CSMD1: variants seen among roughly 807,000 people sequenced by gnomAD.
CSMD1 encodes CUB and Sushi multiple domains 1.
Under a neutral mutation model 417.5 loss-of-function variants are expected in CSMD1, and 213 were observed. The ratio of observed to expected loss-of-function variants is 0.51; its 90% CI spans 0.46 to 0.57. The LOEUF (loss-of-function observed/expected upper bound fraction) is 0.57, where lower values mean the gene tolerates loss of function less well. Ranked by LOEUF, CSMD1 falls within the 20% of genes least tolerant of loss-of-function variation. CSMD1 has a pLI of 0.00. For synonymous variants in CSMD1, 2,862 were observed against 1,736.8 expected, an observed-to-expected ratio of 1.65 and a Z score of -16.11; for missense variants, 6,923 against 4,529.7, an observed-to-expected ratio of 1.53 and a Z score of -15.17.
chr8:3,363,283 G>T (rs894554232), intron 20 of CSMD1, among the ~76,000 whole-genome samples: 5 of 152,126 alleles, frequency 3.3e-5, no homozygotes, highest in South Asian at 2.1e-4. Context: ...CACAGAAGAA[G>T]AAACAGTATC....
intron 10 of CSMD1, among the ~76,000 whole-genome samples, chr8:3,497,960 T>G (rs1469518137): frequency 6.6e-6 from 1 of 152,238 alleles, no homozygotes; most frequent in East Asian, 1.9e-4. Context: ...AGGGCTCCCA[T>G]AAGCATTTCT....
chr8:4,346,361 C>A (rs546796063), intron 3 of CSMD1, among the ~76,000 whole-genome samples: 11 of 152,272 alleles, frequency 7.2e-5, no homozygotes, highest in African/African-American at 2.2e-4. Context: ...TATTTCCATA[C>A]GATCTGCGGC....
At chr8:3,507,816 A>C (rs1169230566) in intron 10 of CSMD1, among the ~76,000 whole-genome samples, 2 of 152,066 alleles carry the variant, frequency 1.3e-5, no homozygotes, top group African/African-American at 4.8e-5. Context: ...TTTGAGAAAT[A>C]TCTGTTCATA....
chr8:4,032,395 T>C (rs1309623335), intron 3 of CSMD1, among the ~76,000 whole-genome samples: 3 of 152,092 alleles, frequency 2.0e-5, no homozygotes, highest in South Asian at 2.1e-4. Flanking sequence ...TATATTTTTC[T>C]AGTCACAAAA....
intron 2 of CSMD1, among the ~76,000 whole-genome samples, chr8:4,512,801 G>C (rs1274630814): frequency 6.9e-6 from 1 of 144,044 alleles, no homozygotes; most frequent in East Asian, 2.1e-4. Context: ...CAAAGAGATA[G>C]CCCATGTTCA....
At chr8:4,787,299 G>C (rs758354747) in intron 1 of CSMD1, 4 of 691,554 alleles carry the variant, frequency 5.8e-6, no homozygotes, top group Admixed American at 4.4e-5. Context: ...CTCACTTACC[G>C]GCGCGGTCGC....
chr8:3,732,024 G>A (rs1677514654), intron 6 of CSMD1, among the ~76,000 whole-genome samples: 2 of 145,168 alleles, frequency 1.4e-5, no homozygotes, highest in Admixed American at 1.4e-4. Context: ...CAGAATGCAT[G>A]CTCTCCACAT....
chr8:4,906,417 G>A (rs1805279277), intron 1 of CSMD1, among the ~76,000 whole-genome samples: 1 of 152,152 alleles, frequency 6.6e-6, no homozygotes, highest in Non-Finnish European at 1.5e-5. Flanking sequence ...AGGTGGTCTG[G>A]CCCCAGCAAC....
intron 5 of CSMD1, among the ~76,000 whole-genome samples, chr8:3,950,693 T>C (rs1247760891): frequency 6.6e-6 from 1 of 152,216 alleles, no homozygotes; most frequent in African/African-American, 2.4e-5. Context: ...TAATGCATTA[T>C]GGAGCACAGG....
intron 12 of CSMD1, among the ~76,000 whole-genome samples, chr8:3,419,985 G>T (rs749995745): frequency 6.6e-6 from 1 of 152,010 alleles, no homozygotes; most frequent in Non-Finnish European, 1.5e-5. Context: ...GATAATAATC[G>T]TTCGCATCTC....
At chr8:3,255,643 C>T (rs1406793587) in intron 26 of CSMD1, among the ~76,000 whole-genome samples, 2 of 152,234 alleles carry the variant, frequency 1.3e-5, no homozygotes, top group Non-Finnish European at 2.9e-5. Context: ...GAGCAAGGCT[C>T]TGTGGGCGTA....
At chr8:3,807,121 G>A (rs1037014826) in intron 5 of CSMD1, among the ~76,000 whole-genome samples, 2 of 152,042 alleles carry the variant, frequency 1.3e-5, no homozygotes, top group African/African-American at 4.8e-5. Flanking sequence ...CTTTAATAGG[G>A]CACATTTCCT....
chr8:4,352,995 A>T (rs1053788695), intron 3 of CSMD1, among the ~76,000 whole-genome samples: 2 of 152,246 alleles, frequency 1.3e-5, no homozygotes, highest in Non-Finnish European at 2.9e-5. Flanking sequence ...CAACATTAAA[A>T]TGACTAATTA....
At chr8:4,017,916 G>T (rs1034384421) in intron 4 of CSMD1, among the ~76,000 whole-genome samples, 9 of 152,244 alleles carry the variant, frequency 5.9e-5, no homozygotes, top group African/African-American at 2.2e-4. Context: ...TATTTCTGAT[G>T]ACTCCAATCA....
intron 2 of CSMD1, among the ~76,000 whole-genome samples, chr8:4,452,013 C>A (rs537080684): frequency 3.3e-5 from 5 of 150,778 alleles, no homozygotes; most frequent in Non-Finnish European, 5.9e-5. Flanking sequence ...GAAATATTAT[C>A]TTTAGGCAGC....
chr8:4,801,467 T>TC (rs1286603758), intron 1 of CSMD1, among the ~76,000 whole-genome samples: 1 of 151,970 alleles, frequency 6.6e-6, no homozygotes, highest in Non-Finnish European at 1.5e-5. Flanking sequence ...ATGGCTTTTT[T>TC]TTTTCTTTTC....
At chr8:4,055,152 G>A (rs968445897) in intron 3 of CSMD1, among the ~76,000 whole-genome samples, 1 of 152,136 alleles carries the variant, frequency 6.6e-6, no homozygotes, top group Non-Finnish European at 1.5e-5. Flanking sequence ...TTCAGAAACT[G>A]TTTGAAATAT....
chr8:4,933,689 A>T (rs964462533), intron 1 of CSMD1, among the ~76,000 whole-genome samples: 7 of 152,214 alleles, frequency 4.6e-5, no homozygotes, highest in Non-Finnish European at 1.5e-5. Flanking sequence ...AAGGAAAGAT[A>T]AATGGATGGA....
intron 5 of CSMD1, among the ~76,000 whole-genome samples, chr8:3,775,733 G>T (rs542377033): frequency 6.6e-6 from 1 of 152,186 alleles, no homozygotes; most frequent in Non-Finnish European, 1.5e-5. Flanking sequence ...CAGTTCAAAT[G>T]ATATGAACTA....
Sources: gnomAD v4.1 joint callset for allele counts (sites outside exome capture counted in the v4.1 genomes callset) on GRCh38, gnomAD v4.1.1 for gene constraint, MANE v1.5 for transcripts, NCBI Gene and HGNC (gene_info 2026-07-23, HGNC 2026-07-21) for gene names.